The following UMODL1 variants were observed in gnomAD, a reference collection of about 807,000 sequenced individuals.
UMODL1 encodes the protein uromodulin-like 1.
UMODL1 carries 128 observed loss-of-function variants against 136.3 expected under a neutral mutation model. The ratio of observed to expected loss-of-function variants is 0.94; its 90% CI spans 0.81 to 1.09. The LOEUF (loss-of-function observed/expected upper bound fraction) is 1.09, where lower values mean the gene tolerates loss of function less well. Among genes scored for constraint, UMODL1 ranks in the 50% least tolerant of loss-of-function variants. The pLI is 0.00. For synonymous variants in UMODL1, 721 were observed against 720.0 expected (o/e 1.00, Z -0.02); for missense variants, 1,766 against 1,725.6 (o/e 1.02, Z -0.41).
chr21:42,089,864 G>A (rs1282826141), intron 5 of UMODL1, among the ~76,000 whole-genome samples: 2 of 152,240 alleles, frequency 1.3e-5, no homozygotes, highest in Non-Finnish European at 2.9e-5. Flanking sequence ...GCTGGCTGCT[G>A]TGAGATGGTT....
chr21:42,121,952 G>A (rs564727673), intron 16 of UMODL1, among the ~76,000 whole-genome samples: 22 of 152,308 alleles, frequency 1.4e-4, no homozygotes, highest in Middle Eastern at 3.4e-3. Flanking sequence ...GGTGATGGGC[G>A]TGATCTCACA....
upstream of UMODL1, among the ~76,000 whole-genome samples, chr21:42,067,963 C>T (rs927918700): frequency 7.2e-5 from 11 of 152,118 alleles, no homozygotes; most frequent in African/African-American, 1.9e-4. Flanking sequence ...GAGACAAAGA[C>T]GAGGGCACGT....
At position 42,088,374 on chromosome 21, in the gene UMODL1, G is replaced by A. The variant is rs186783229; in HGVS notation, c.684G>A (p.Ser228=). Residue 228 remains serine (S), a synonymous_variant, in exon 5 of 23, where the codon TCG becomes TCA. Coordinates refer to ENST00000408910, the MANE Select transcript of UMODL1 (RefSeq NM_001004416.3). ...SAPGNASTTV[S]RLLLGLPRPL... ...CTGGGAACGCCTCCACCACAGTGTC[G>A]CGGCTGCTACTGGGCCTGCCACGGC... 1,232 of 1,613,806 alleles carry A rather than the reference G, an allele frequency of 7.6e-4. 6 individuals carry two copies. The African/African-American group carries it at 0.013, about 17-fold the overall frequency.
At chr21:42,121,335 C>T (rs1343401196) in intron 16 of UMODL1, 111 bp downstream of exon 16, 4 of 1,382,190 alleles carry the variant, frequency 2.9e-6, no homozygotes, top group Non-Finnish European at 2.9e-6. Flanking sequence ...TTTTTATGTC[C>T]TGGGGAAGTT....
rs2067004755 is a variant in UMODL1, at chr21:42,123,265, C to G, written c.3147+115C>G. The G allele has an allele frequency of 8.1e-7, 1 of 1,238,812 alleles. No homozygotes were observed. The highest frequency in any genetic ancestry group is 1.1e-6 in the Non-Finnish European group (1 of 909,186). 76.7% of individuals were successfully genotyped at this position (1,238,812 alleles called of 1,614,324 possible). A position where few individuals can be genotyped will look rare whatever the true frequency, so the allele number is the denominator to read the frequency against. ...ACTCTGCACCCCGAGGGGAACCCAG[C>G]AAGGGGGGTTCAGGACAGGGTTGAG... On this transcript the variant is annotated intron_variant, in intron 17 of 22. Coordinates refer to ENST00000408910, the MANE Select transcript of UMODL1 (RefSeq NM_001004416.3). This position sits in a 1 kb window ranked among gnomAD's most constrained non-coding sequence, Gnocchi z 4.4.
Position 42,135,706 on chromosome 21 carries a change from G to A in UMODL1, c.3776-1733G>A, listed in dbSNP as rs867016761. 4.6e-5 allele frequency among the ~76,000 whole-genome samples: 7 copies of A among 152,296 alleles called. No homozygotes were observed. The Middle Eastern group carries it at 0.014, about 296-fold the overall frequency. On this transcript the variant is annotated intron_variant, in intron 21 of 22. Coordinates refer to ENST00000408910, the MANE Select transcript of UMODL1 (RefSeq NM_001004416.3). The stretch of plus-strand genomic sequence containing the variant: ...GGAAGTGGCCGGCCGGGATCTGGGG[G>A]CCTCGGTTTCTTGGGGAGGGTGGAG...
At position 42,137,435 on chromosome 21, in the gene UMODL1, C is replaced by T. The variant is rs777396140; in HGVS notation, c.3776-4C>T. On this transcript the variant is annotated splice_polypyrimidine_tract_variant and splice_region_variant and intron_variant, in intron 21 of 22. Coordinates refer to ENST00000408910, the MANE Select transcript of UMODL1 (RefSeq NM_001004416.3). ...CTCTCACCTGTGCCTGTCTCCTCCC[C>T]GAGGTGAGCCTCCTCATGCAGAAGC... 1.6e-5 allele frequency: 26 copies of T among 1,613,866 alleles called. No homozygotes were observed. The highest frequency in any genetic ancestry group is 1.3e-4 in the East Asian group (6 of 44,878).
chr21:42,110,650 G>A (rs1357244114), intron 10 of UMODL1, among the ~76,000 whole-genome samples: 1 of 152,184 alleles, frequency 6.6e-6, no homozygotes, highest in East Asian at 1.9e-4. Context: ...CTCAACTTCA[G>A]TTTCCTCATT....
At chr21:42,096,769 G>A (rs1170329377) in intron 6 of UMODL1, among the ~76,000 whole-genome samples, 2 of 152,190 alleles carry the variant, frequency 1.3e-5, no homozygotes, top group African/African-American at 4.8e-5. Context: ...CCTGTTTGCA[G>A]GGCGTTTTGC....
In UMODL1 at chr21:42,119,248, G is replaced by A. The variant is rs752221058; in HGVS notation, c.2613G>A (p.Glu871=). The A allele has an allele frequency of 1.2e-6, 2 of 1,614,218 alleles. No individual in the cohort carries two copies. Among genetic ancestry groups the A allele is most frequent in the East Asian group, 2.2e-5 (1 of 44,890 alleles). The change falls in exon 15 of 23, where the codon GAG becomes GAA. Residue 871 remains glutamate (E), a synonymous_variant. Coordinates refer to ENST00000408910, the MANE Select transcript of UMODL1 (RefSeq NM_001004416.3). ...LLIIADVDVQ[E]VSAAFLTAFQ... is the part of the protein sequence containing the mutation. ...TAATCGCAGATGTGGATGTCCAGGA[G>A]GTGTCAGCTGCATTTCTCACCGCCT...
intron 1 of UMODL1, among the ~76,000 whole-genome samples, chr21:42,063,801 A>G (rs1484137164): frequency 6.6e-6 from 1 of 152,160 alleles, no homozygotes; most frequent in Non-Finnish European, 1.5e-5. Context: ...GTGTCTCAGC[A>G]CTGCAATTAA....
At position 42,102,148 on chromosome 21, in the gene UMODL1, T is replaced by C. The variant is rs771243398; in HGVS notation, c.1187-18T>C. 8.8e-6 allele frequency: 14 copies of C among 1,588,024 alleles called. No individual in the cohort carries two copies. Among genetic ancestry groups the C allele is most frequent in the Admixed American group, 5.1e-5 (3 of 59,052 alleles). On this transcript the variant is annotated intron_variant, in intron 7 of 22. Coordinates refer to ENST00000408910, the MANE Select transcript of UMODL1 (RefSeq NM_001004416.3). ...TGACTTTTGACCACAGGCTAATTTG[T>C]TTCACTGTCTGTCTCAGATGCCCAG...
intron 13 of UMODL1, among the ~76,000 whole-genome samples, chr21:42,114,681 T>A (rs181573878): frequency 6.6e-6 from 1 of 152,270 alleles, no homozygotes; most frequent in Admixed American, 6.5e-5. Flanking sequence ...AAAGTACTAA[T>A]CAGCCATGGC....
upstream of UMODL1, among the ~76,000 whole-genome samples, chr21:42,066,868 T>C (rs754710069): frequency 2.6e-5 from 4 of 152,258 alleles, no homozygotes; most frequent in Non-Finnish European, 5.9e-5. Flanking sequence ...CCATTGCTTG[T>C]GATGCATATC....
chr21:42,081,914 G>A, intron 2 of UMODL1, among the ~76,000 whole-genome samples: 1 of 152,208 alleles, frequency 6.6e-6, no homozygotes. Context: ...GGGAGACAAA[G>A]CAGAGACCTT....
chr21:42,063,456 C>G (rs1464426350), intron 1 of UMODL1, among the ~76,000 whole-genome samples: 1 of 152,222 alleles, frequency 6.6e-6, no homozygotes, highest in African/African-American at 2.4e-5. Context: ...GGCTGGAGGC[C>G]AGGCATTGGG....
At chr21:42,080,749 G>A (rs969439537) in intron 2 of UMODL1, among the ~76,000 whole-genome samples, 5 of 152,178 alleles carry the variant, frequency 3.3e-5, no homozygotes, top group African/African-American at 1.2e-4. Flanking sequence ...TTTATCCAGG[G>A]CAGACATTTC....
At position 42,111,039 on chromosome 21, in the gene UMODL1, C is replaced by A; in HGVS notation, c.1817C>A (p.Thr606Asn). The stretch of plus-strand genomic sequence containing the variant: ...ACCCCGGCAGCAGGCCAGGCCTGGA[C>A]CCCAGAGCCCTCACCCAGAAGAGGG... ...QGTPAAGQAW[T>N]PEPSPRRGGS... Residue 606 changes from threonine to asparagine, a missense_variant, in exon 11 of 23, where the codon ACC becomes AAC. Transcript: ENST00000408910. 6.2e-7 allele frequency: 1 copy of A among 1,613,330 alleles called. No homozygotes were observed. The highest frequency in any genetic ancestry group is 8.5e-7 in the Non-Finnish European group (1 of 1,179,810).
intron 2 of UMODL1, among the ~76,000 whole-genome samples, chr21:42,082,893 T>C (rs1489155458): frequency 6.7e-6 from 1 of 148,858 alleles, no homozygotes; most frequent in Non-Finnish European, 1.5e-5. Flanking sequence ...ATTCTCAGAC[T>C]CCTGCAGTGC....
Sources: allele counts gnomAD v4.1 joint callset (sites outside exome capture counted in the v4.1 genomes callset), GRCh38; gene constraint gnomAD v4.1.1; non-coding constraint Gnocchi (gnomAD v3.1); transcripts MANE v1.5; gene names NCBI Gene and HGNC (gene_info 2026-07-23, HGNC 2026-07-21).